The following DNPEP variants were observed in gnomAD, a reference collection of about 807,000 sequenced individuals.
DNPEP encodes aspartyl aminopeptidase.
DNPEP carries 46 observed loss-of-function variants against 59.1 expected under a neutral mutation model. The ratio of observed to expected loss-of-function variants is 0.78; its 90% CI spans 0.61 to 0.99. The LOEUF (loss-of-function observed/expected upper bound fraction) is 0.99. Among genes scored for constraint, DNPEP ranks in the 50% least tolerant of loss-of-function variants. The probability of loss-of-function intolerance (pLI) is 0.00; values close to 1 mark genes in which losing one functional copy is unlikely to be tolerated. For synonymous variants in DNPEP, 229 were observed against 242.2 expected (o/e 0.95, Z 0.50); for missense variants, 617 against 649.9 (o/e 0.95, Z 0.55).
intron 13 of DNPEP, among the ~76,000 whole-genome samples, chr2:219,376,957 C>T (rs114908849): frequency 0.018 from 2,786 of 152,096 alleles, 48 homozygotes; most frequent in African/African-American, 0.044. Flanking sequence ...ATGAATACAC[C>T]AGCCATGTCT....
chr2:219,386,675 G>A lies in DNPEP; in HGVS notation c.323C>T (p.Pro108Leu), dbSNP rs373627281. The A allele has an allele frequency of 9.9e-6, 16 of 1,611,542 alleles. No homozygotes were observed. In the South Asian group the frequency reaches 1.8e-4, roughly 18 times the overall value. ...FSLIGAHTDS[P>L]CLRVKRRSRR... The stretch of plus-strand genomic sequence containing the variant: ...GTCCGAGTTCCTTACCCGGAGGCAG[G>A]GGCTGTCCGTGTGGGCCCCGATGAG... Residue 108 changes from proline to leucine, a missense_variant, in exon 4 of 15, where the codon CCC becomes CTC. Transcript: ENST00000273075.
chr2:219,372,797 C>T lies in DNPEP; in HGVS notation c.*1495G>A, dbSNP rs1953231711. ...CAATTTATCTTTTTCTCAATAGCTA[C>T]CTATAATGGACATTTCATAGTGTAT... is the stretch of plus-strand genomic sequence containing the variant. On this transcript the variant is annotated 3_prime_UTR_variant, in exon 15 of 15. Transcript: ENST00000273075. Among the ~76,000 whole-genome samples the T allele has an allele frequency of 6.6e-6, 1 of 152,156 alleles. No individual in the cohort carries two copies.
intron 13 of DNPEP, among the ~76,000 whole-genome samples, chr2:219,375,363 C>T (rs1452286637): frequency 2.0e-5 from 3 of 151,898 alleles, no homozygotes; most frequent in Non-Finnish European, 4.4e-5. Flanking sequence ...TTGCTACTGA[C>T]ATTTTGAAAT....
chr2:219,381,309 C>A (rs562206385), intron 13 of DNPEP, 26 bp downstream of exon 13: 13 of 1,607,172 alleles, frequency 8.1e-6, no homozygotes. Context: ...CTCCATCACA[C>A]CTTCCCAGGC....
intron 1 of DNPEP, 66 bp downstream of exon 1, chr2:219,387,693 G>C (rs1409043829): frequency 6.9e-6 from 11 of 1,601,410 alleles, no homozygotes; most frequent in Non-Finnish European, 8.5e-6. Context: ...GCTAAGCTTG[G>C]GCCCCGGAGG....
At chr2:219,383,258 C>T (rs1322346381) in intron 9 of DNPEP, 44 bp from the exon 10 acceptor site, 1 of 1,575,766 alleles carries the variant, frequency 6.3e-7, no homozygotes, top group Admixed American at 1.7e-5. Flanking sequence ...CAACCTGCTT[C>T]TGCTGGAACT....
At chr2:219,396,970 T>C (rs1305582103) in intron 1 of DNPEP, among the ~76,000 whole-genome samples, 1 of 152,192 alleles carries the variant, frequency 6.6e-6, no homozygotes. Flanking sequence ...CAAAGAGGTA[T>C]AGGAAAGTGC....
chr2:219,397,878 C>T (rs1175738969), intron 1 of DNPEP, among the ~76,000 whole-genome samples: 1 of 152,134 alleles, frequency 6.6e-6, no homozygotes, highest in Non-Finnish European at 1.5e-5. Context: ...GCATGAGCCA[C>T]TGTGCCTGGA....
intron 9 of DNPEP, 134 bp from the exon 10 acceptor site, chr2:219,383,348 A>G: frequency 1.4e-6 from 1 of 710,078 alleles, no homozygotes; most frequent in Admixed American, 2.4e-5. Context: ...TCTGCCTTCC[A>G]TGGCCATGAC....
intron 9 of DNPEP, among the ~76,000 whole-genome samples, 195 bp downstream of exon 9, chr2:219,384,171 G>A (rs780270082): frequency 6.6e-6 from 1 of 152,236 alleles, no homozygotes; most frequent in African/African-American, 2.4e-5. Flanking sequence ...ATAGTGCAAG[G>A]GCAGAGACCA....
In DNPEP at chr2:219,386,366, C is replaced by A. The variant is rs188305448; in HGVS notation, c.379G>T (p.Gly127Cys). 1.1e-5 allele frequency: 18 copies of A among 1,614,096 alleles called. No individual in the cohort carries two copies. In the African/African-American group the frequency reaches 2.0e-4, roughly 18 times the overall value. The change falls in exon 5 of 15, where the codon GGT becomes TGT. Residue 127 changes from glycine (G) to cysteine (C), a missense_variant. Coordinates refer to ENST00000273075, the MANE Select transcript of DNPEP (RefSeq NM_012100.4). Reference sequence around the variant, plus strand: ...ATCCCACCACCATAGGTCTCCACACCGACTTGCTGGAAGCCCACCTGGCTG... The same window carrying A: ...ATCCCACCACCATAGGTCTCCACACAGACTTGCTGGAAGCCCACCTGGCTG... ...RRSQVGFQQV[G>C]VETYGGGIWS...
upstream of DNPEP, among the ~76,000 whole-genome samples, chr2:219,392,040 T>C (rs1227233613): frequency 2.0e-5 from 3 of 152,146 alleles, no homozygotes; most frequent in Non-Finnish European, 2.9e-5. Context: ...AATACATATG[T>C]AAATGGATAG....
In DNPEP at chr2:219,374,288, G is replaced by C; in HGVS notation, c.*4C>G. The stretch of plus-strand genomic sequence containing the variant: ...GGATGGCAGAGAAGTCTTTCCAAGA[G>C]GGCTCAATCCACTAAGAGATTATGG... On this transcript the variant is annotated 3_prime_UTR_variant, in exon 15 of 15. Coordinates refer to ENST00000273075, the MANE Select transcript of DNPEP (RefSeq NM_012100.4). 2 of 1,613,774 alleles carry C rather than the reference G, an allele frequency of 1.2e-6. No homozygotes were observed. The highest frequency in any genetic ancestry group is 8.5e-7 in the Non-Finnish European group (1 of 1,179,714).
intron 1 of DNPEP, chr2:219,399,913 GGCTCCGAGCCATGGTGACCT>G: frequency 1.3e-6 from 2 of 1,550,566 alleles, no homozygotes; most frequent in Non-Finnish European, 1.7e-6. Flanking sequence ...ATGATGGAGA[GGCTCCGAGCCATGGTGACCT>G]GCTCACCTCC....
At position 219,377,849 on chromosome 2, in the gene DNPEP, G is replaced by A. The variant is rs13383429; in HGVS notation, c.1240-2827C>T. 9.3e-3 allele frequency among the ~76,000 whole-genome samples: 1,412 copies of A among 152,130 alleles called. 24 individuals are homozygous for A. Among genetic ancestry groups the A allele is most frequent in the African/African-American group, 0.032 (1,328 of 41,492 alleles). ...GAGGCAGGAAGATCTTCTGAGCTCA[G>A]GAGTTTGAGGGTGCAGTGAGCTATG... On this transcript the variant is annotated intron_variant, in intron 13 of 14. Coordinates refer to ENST00000273075, the MANE Select transcript of DNPEP (RefSeq NM_012100.4).
intron 13 of DNPEP, among the ~76,000 whole-genome samples, chr2:219,378,067 G>A (rs1953445082): frequency 6.6e-6 from 1 of 152,016 alleles, no homozygotes; most frequent in Non-Finnish European, 1.5e-5. Context: ...AAAAAATCTG[G>A]AAGACTATAC....
At chr2:219,393,844 C>T (rs975034274), upstream of DNPEP, 1 of 152,214 alleles carries the variant, frequency 6.6e-6, no homozygotes, top group East Asian at 1.9e-4. Context: ...TTCTGCTGTC[C>T]TCATTTCTGT....
Position 219,387,795 on chromosome 2 carries a change from C to T in DNPEP, c.-1G>A. The T allele has an allele frequency of 1.9e-6, 3 of 1,594,536 alleles. No homozygotes were observed. Among genetic ancestry groups the T allele is most frequent in the Non-Finnish European group, 2.6e-6 (3 of 1,171,600 alleles). ...CGCGCGTGGGGCTGTGTCCGCTCAT[C>T]TGGCCTCCGGGCTCGGCCCGCCCCC... On this transcript the variant is annotated 5_prime_UTR_variant, in exon 1 of 15. Coordinates refer to ENST00000273075, the MANE Select transcript of DNPEP (RefSeq NM_012100.4).
At chr2:219,381,802 C>T in intron 11 of DNPEP, 177 bp downstream of exon 11, 1 of 861,180 alleles carries the variant, frequency 1.2e-6, no homozygotes, top group South Asian at 1.6e-5. Context: ...CTGGGTTAGG[C>T]ATTGCATGAC....
Sources: allele counts gnomAD v4.1 joint callset (sites outside exome capture counted in the v4.1 genomes callset), GRCh38; gene constraint gnomAD v4.1.1; transcripts MANE v1.5; gene names NCBI Gene and HGNC (gene_info 2026-07-23, HGNC 2026-07-21).